The following CELF4 variants were observed in gnomAD, a reference collection of about 807,000 sequenced individuals.
CELF4 encodes CUGBP Elav-like family member 4, also known as CUG-BP- and ETR-3-like factor 4.
A neutral mutation model predicts 59.9 loss-of-function variants in CELF4; 18 were observed. The ratio of observed to expected loss-of-function variants is 0.30; its 90% CI spans 0.21 to 0.45. The LOEUF is 0.45. Ranked by LOEUF, CELF4 falls within the 20% of genes least tolerant of loss-of-function variation. The pLI, the probability that CELF4 is intolerant of heterozygous loss-of-function variation, is 1.00. For synonymous variants in CELF4, 261 were observed against 267.1 expected (o/e 0.98, Z 0.22); for missense variants, 456 against 689.0 (o/e 0.66, Z 3.79).
chr18:37,372,488 G>A (rs906985891), intron 2 of CELF4, among the ~76,000 whole-genome samples: 1 of 152,164 alleles, frequency 6.6e-6, no homozygotes. Context: ...TCGTGGGATG[G>A]GGTGGAGGCG....
intron 1 of CELF4, among the ~76,000 whole-genome samples, chr18:37,558,184 T>G (rs1002924975): frequency 8.6e-5 from 13 of 151,832 alleles, no homozygotes; most frequent in Non-Finnish European, 1.0e-4. Context: ...CTTCTACTTT[T>G]GAGGACTCAA....
At chr18:37,562,375 T>TC (rs1429306468) in intron 1 of CELF4, among the ~76,000 whole-genome samples, 2 of 52,908 alleles carry the variant, frequency 3.8e-5, no homozygotes, top group Non-Finnish European at 7.7e-5. Context: ...CTTTTCCTTT[T>TC]CCTTTTTTTT....
intron 2 of CELF4, among the ~76,000 whole-genome samples, chr18:37,466,890 G>A (rs777711131): frequency 1.4e-4 from 21 of 152,288 alleles, no homozygotes; most frequent in Middle Eastern, 3.4e-3. Context: ...AGCTTGGGGC[G>A]GACATAGGAG....
intron 2 of CELF4, among the ~76,000 whole-genome samples, chr18:37,449,455 C>T (rs910140250): frequency 5.9e-5 from 9 of 152,128 alleles, no homozygotes; most frequent in African/African-American, 2.2e-4. Context: ...GAAGTTCTAC[C>T]ACCCACTCAT....
intron 2 of CELF4, among the ~76,000 whole-genome samples, chr18:37,368,737 C>T (rs532014510): frequency 3.7e-4 from 57 of 152,334 alleles, no homozygotes; most frequent in African/African-American, 1.3e-3. Context: ...CCCTTCCACA[C>T]GAGTGAATGA....
intron 2 of CELF4, among the ~76,000 whole-genome samples, chr18:37,329,010 T>C (rs1227188609): frequency 3.3e-5 from 5 of 152,272 alleles, no homozygotes; most frequent in Non-Finnish European, 1.5e-5. Flanking sequence ...CTATTTGATG[T>C]CATTTCAAGT....
intron 2 of CELF4, among the ~76,000 whole-genome samples, chr18:37,327,990 T>C (rs2154528860): frequency 6.6e-6 from 1 of 152,294 alleles, no homozygotes; most frequent in East Asian, 1.9e-4. Flanking sequence ...CACTACTCCT[T>C]TCTCTCTCTC....
At position 37,289,813 on chromosome 18, in the gene CELF4, C is replaced by T. The variant is rs527357741; in HGVS notation, c.449-14570G>A. Among the ~76,000 whole-genome samples, 9 of 152,318 alleles carry T rather than the reference C, an allele frequency of 5.9e-5. 1 individual carries two copies. The South Asian group carries it at 1.0e-3, about 18-fold the overall frequency. ...CTGGACCGGGTATCTCTGGTGGCTGCACCGCCTTCTCTGTTGTGTGACATG... is the reference window on the plus strand; with the variant it reads ...CTGGACCGGGTATCTCTGGTGGCTGTACCGCCTTCTCTGTTGTGTGACATG... On this transcript the variant is annotated intron_variant, in intron 3 of 12. Transcript: ENST00000420428.
At chr18:37,367,232 G>A (rs1347754351) in intron 2 of CELF4, among the ~76,000 whole-genome samples, 3 of 152,116 alleles carry the variant, frequency 2.0e-5, no homozygotes, top group Admixed American at 6.6e-5. Context: ...GAGGTGTGAC[G>A]AGAGAGTTGG....
chr18:37,274,676 T>TC, intron 5 of CELF4, 129 bp downstream of exon 5: 1 of 1,480,892 alleles, frequency 6.8e-7, no homozygotes, highest in Admixed American at 2.4e-5. Context: ...CGCGTCCTTG[T>TC]CTGAGGCCCG....
intron 3 of CELF4, among the ~76,000 whole-genome samples, chr18:37,302,235 C>G (rs1325078709): frequency 6.6e-6 from 1 of 152,160 alleles, no homozygotes; most frequent in Non-Finnish European, 1.5e-5. Flanking sequence ...TCATCAGAGC[C>G]CCTCCCCTCC....
At chr18:37,302,579 AAC>A (rs1274525792) in intron 3 of CELF4, among the ~76,000 whole-genome samples, 1 of 152,184 alleles carries the variant, frequency 6.6e-6, no homozygotes, top group Non-Finnish European at 1.5e-5. Flanking sequence ...GACACTGGAA[AAC>A]ACAGCTTTCC....
chr18:37,303,018 A>G (rs2096169094), intron 3 of CELF4, among the ~76,000 whole-genome samples: 1 of 152,172 alleles, frequency 6.6e-6, no homozygotes, highest in Non-Finnish European at 1.5e-5. Flanking sequence ...GGTGCTTAGC[A>G]AGCAGGGAAC....
At chr18:37,420,968 T>C (rs1569569340) in intron 2 of CELF4, among the ~76,000 whole-genome samples, 1 of 152,224 alleles carries the variant, frequency 6.6e-6, no homozygotes, top group African/African-American at 2.4e-5. Flanking sequence ...GAACTTGGCT[T>C]GAACCTAGGA....
chr18:37,557,910 T>C (rs553238052), intron 1 of CELF4, among the ~76,000 whole-genome samples: 3 of 150,750 alleles, frequency 2.0e-5, no homozygotes, highest in Admixed American at 6.6e-5. Flanking sequence ...AGAGAAGAGA[T>C]ACAAGGAAGG....
intron 1 of CELF4, among the ~76,000 whole-genome samples, chr18:37,552,636 T>G (rs976307971): frequency 1.3e-5 from 2 of 152,248 alleles, no homozygotes; most frequent in Admixed American, 1.3e-4. Flanking sequence ...GTTAATGTTT[T>G]GCTGAGAAAC....
intron 2 of CELF4, among the ~76,000 whole-genome samples, chr18:37,365,481 A>ATTT (rs10670336): frequency 0.45 from 44,360 of 97,560 alleles, 10,619 homozygotes; most frequent in South Asian, 0.62. Context: ...GGATGGGGCA[A>ATTT]TTTTTTTTTT....
intron 2 of CELF4, among the ~76,000 whole-genome samples, chr18:37,390,377 C>T (rs947155204): frequency 1.3e-5 from 2 of 152,184 alleles, no homozygotes; most frequent in African/African-American, 4.8e-5. Flanking sequence ...CTTGGCCATG[C>T]CCTGGCTGGG....
At chr18:37,470,866 GTGTGTGTGTGTGTGT>G (rs2099819314) in intron 2 of CELF4, among the ~76,000 whole-genome samples, 1 of 124,978 alleles carries the variant, frequency 8.0e-6, no homozygotes. Flanking sequence ...GTGTGTGTGT[GTGTGTGTGTGTGTGT>G]GTGTGTGACA....
Sources: allele counts gnomAD v4.1 joint callset (sites outside exome capture counted in the v4.1 genomes callset), GRCh38; gene constraint gnomAD v4.1.1; transcripts MANE v1.5; gene names NCBI Gene and HGNC (gene_info 2026-07-23, HGNC 2026-07-21).